The following PIP5K1B variants were observed in gnomAD, a reference collection of about 807,000 sequenced individuals.
PIP5K1B encodes phosphatidylinositol-4-phosphate 5-kinase type 1 beta.
In PIP5K1B, 42 loss-of-function variants were observed where a neutral mutation model predicts 67.0. The ratio of observed to expected loss-of-function variants is 0.63; its 90% CI spans 0.49 to 0.81. PIP5K1B has a LOEUF of 0.81. Ranked by LOEUF, PIP5K1B falls within the 30% of genes least tolerant of loss-of-function variation. PIP5K1B has a pLI of 0.00. For synonymous variants in PIP5K1B, 214 were observed against 231.4 expected, an observed-to-expected ratio of 0.92 and a Z score of 0.68; for missense variants, 459 against 646.3, an observed-to-expected ratio of 0.71 and a Z score of 3.14.
At chr9:68,776,138 A>G (rs1210342983) in intron 2 of PIP5K1B, among the ~76,000 whole-genome samples, 1 of 152,184 alleles carries the variant, frequency 6.6e-6, no homozygotes, top group Non-Finnish European at 1.5e-5. Context: ...CAGTATTTTT[A>G]CTGTAGGTTG....
At chr9:68,837,079 C>A (rs2132133819) in intron 4 of PIP5K1B, among the ~76,000 whole-genome samples, 1 of 152,340 alleles carries the variant, frequency 6.6e-6, no homozygotes, top group East Asian at 1.9e-4. Context: ...AAGCGTTCAG[C>A]ACCCAGATGG....
At chr9:68,834,792 T>G (rs1398073063) in intron 4 of PIP5K1B, among the ~76,000 whole-genome samples, 1 of 152,130 alleles carries the variant, frequency 6.6e-6, no homozygotes, top group Non-Finnish European at 1.5e-5. Context: ...ATGGTAGTGA[T>G]TACCTGAGTT....
intron 5 of PIP5K1B, among the ~76,000 whole-genome samples, chr9:68,864,722 C>T (rs1202046706): frequency 1.3e-5 from 2 of 151,850 alleles, no homozygotes; most frequent in African/African-American, 4.8e-5. Flanking sequence ...AAGAAGTAAT[C>T]ATTAAATAAG....
Position 68,998,423 on chromosome 9 carries a change from G to T in PIP5K1B, c.1620+7166G>T, listed in dbSNP as rs555464324. Among the ~76,000 whole-genome samples, 156 of 152,252 alleles carry T rather than the reference G, an allele frequency of 1.0e-3. 1 individual carries two copies. Among genetic ancestry groups the T allele is most frequent in the African/African-American group, 3.7e-3 (153 of 41,532 alleles). On this transcript the variant is annotated intron_variant, in intron 15 of 15. Coordinates refer to ENST00000265382, the MANE Select transcript of PIP5K1B (RefSeq NM_003558.4). Reference sequence around the variant, plus strand: ...CTTTTATTATTATACATCCAGGCGCGGGTTGCCCCTCATTTTTCATTCTTT... The same window carrying T: ...CTTTTATTATTATACATCCAGGCGCTGGTTGCCCCTCATTTTTCATTCTTT...
chr9:68,795,111 G>A (rs904596128), intron 2 of PIP5K1B, among the ~76,000 whole-genome samples: 1 of 152,100 alleles, frequency 6.6e-6, no homozygotes, highest in African/African-American at 2.4e-5. Context: ...CTGAATCAGT[G>A]TACTACCTTC....
chr9:68,779,111 G>A (rs1004856248), intron 2 of PIP5K1B, among the ~76,000 whole-genome samples: 2 of 151,018 alleles, frequency 1.3e-5, no homozygotes, highest in Non-Finnish European at 2.9e-5. Flanking sequence ...GCAGTGTTTG[G>A]CACATAGTAA....
In PIP5K1B at chr9:68,969,556, T is replaced by G. The variant is rs114775757; in HGVS notation, c.1503-21584T>G. On this transcript the variant is annotated intron_variant, in intron 14 of 15. Coordinates refer to ENST00000265382, the MANE Select transcript of PIP5K1B (RefSeq NM_003558.4). ...TAGGGGAAGAAAAAAAAACACAGAC[T>G]CAGATTTTTAAAACAAGACTTTGCC... Among the ~76,000 whole-genome samples, 1,450 of 152,044 alleles carry G rather than the reference T, an allele frequency of 9.5e-3. 25 individuals carry two copies. The highest frequency in any genetic ancestry group is 0.033 in the African/African-American group (1,384 of 41,458).
intron 4 of PIP5K1B, among the ~76,000 whole-genome samples, chr9:68,835,691 C>A (rs982721146): frequency 1.3e-5 from 2 of 152,122 alleles, no homozygotes; most frequent in African/African-American, 4.8e-5. Context: ...CAGATTGGGA[C>A]CCCATTCTCC....
chr9:68,784,275 A>G (rs1831481738), intron 2 of PIP5K1B: 1 of 166,888 alleles, frequency 6.0e-6, no homozygotes, highest in Admixed American at 6.6e-5. Context: ...TTGCTAATCT[A>G]TAAACTTTGT....
At chr9:68,920,396 C>G (rs1029029825) in intron 11 of PIP5K1B, among the ~76,000 whole-genome samples, 2 of 95,992 alleles carry the variant, frequency 2.1e-5, no homozygotes, top group African/African-American at 8.8e-5. Flanking sequence ...GAGATGGAGT[C>G]TTGCTCTGTC....
intron 14 of PIP5K1B, among the ~76,000 whole-genome samples, chr9:68,957,144 G>C (rs1587718732): frequency 6.6e-6 from 1 of 151,612 alleles, no homozygotes; most frequent in Admixed American, 6.6e-5. Flanking sequence ...TGCTTTTCTT[G>C]TTTGTGGCCT....
chr9:68,810,745 G>T (rs914630873), intron 2 of PIP5K1B, among the ~76,000 whole-genome samples: 1 of 152,118 alleles, frequency 6.6e-6, no homozygotes, highest in African/African-American at 2.4e-5. Context: ...GTTTTAAAAA[G>T]CTCCTCTACC....
At chr9:68,964,878 C>A (rs968739373) in intron 14 of PIP5K1B, among the ~76,000 whole-genome samples, 1 of 152,214 alleles carries the variant, frequency 6.6e-6, no homozygotes, top group Non-Finnish European at 1.5e-5. Context: ...AAATACAGAG[C>A]CTGATAGACG....
At chr9:68,989,036 A>G (rs1830235995) in intron 14 of PIP5K1B, among the ~76,000 whole-genome samples, 1 of 130,544 alleles carries the variant, frequency 7.7e-6, no homozygotes, top group African/African-American at 2.9e-5. Context: ...CAGAGATTGC[A>G]GTGAGCGAAG....
intron 14 of PIP5K1B, among the ~76,000 whole-genome samples, chr9:68,961,234 G>T (rs944277559): frequency 4.5e-5 from 6 of 131,964 alleles, no homozygotes; most frequent in African/African-American, 1.5e-4. Context: ...AAAAAAAAAA[G>T]CGTGTCACCA....
intron 14 of PIP5K1B, among the ~76,000 whole-genome samples, chr9:68,985,015 A>C (rs906333150): frequency 1.3e-5 from 2 of 152,210 alleles, no homozygotes; most frequent in African/African-American, 2.4e-5. Flanking sequence ...TTGGGCAGAC[A>C]CATGGGGAGG....
At chr9:68,912,587 T>C (rs926034492) in intron 8 of PIP5K1B, among the ~76,000 whole-genome samples, 2 of 152,176 alleles carry the variant, frequency 1.3e-5, no homozygotes, top group Non-Finnish European at 2.9e-5. Flanking sequence ...CACAGTAACT[T>C]TGGTAGGAAT....
intron 2 of PIP5K1B, among the ~76,000 whole-genome samples, chr9:68,807,395 C>G (rs547974931): frequency 1.3e-5 from 2 of 152,222 alleles, no homozygotes; most frequent in African/African-American, 4.8e-5. Flanking sequence ...GTCTCCTGCT[C>G]AGTCCTTTTC....
chr9:68,766,478 A>G (rs551888147), intron 2 of PIP5K1B, among the ~76,000 whole-genome samples: 5 of 152,198 alleles, frequency 3.3e-5, no homozygotes, highest in African/African-American at 2.4e-5. Flanking sequence ...TAAGAAGGTC[A>G]TGGAATAGCC....
Sources: allele counts gnomAD v4.1 joint callset (sites outside exome capture counted in the v4.1 genomes callset), GRCh38; gene constraint gnomAD v4.1.1; transcripts MANE v1.5; gene names NCBI Gene and HGNC (gene_info 2026-07-23, HGNC 2026-07-21).